Variants in DTNB observed in about 807,000 individuals in gnomAD.
The protein encoded by DTNB is dystrobrevin beta, also known as DTN-B.
In DTNB, 63 loss-of-function variants were observed where a neutral mutation model predicts 90.7. That is an observed-to-expected ratio of 0.69 (90% CI 0.57 to 0.86). DTNB has a LOEUF of 0.86. DTNB is among the 40% of genes least tolerant of loss of function. DTNB has a pLI of 0.00. For missense variants in DTNB, 744 were observed against 807.1 expected (o/e 0.92, Z 0.95); for synonymous variants, 277 against 286.7 (o/e 0.97, Z 0.34).
intron 16 of DTNB, among the ~76,000 whole-genome samples, chr2:25,397,622 G>C (rs975684330): frequency 3.3e-5 from 5 of 152,072 alleles, no homozygotes; most frequent in South Asian, 4.1e-4. Context: ...GCTCATGCCT[G>C]TAATCCCAGC....
intron 16 of DTNB, among the ~76,000 whole-genome samples, chr2:25,410,306 T>C (rs975930409): frequency 6.6e-6 from 1 of 152,142 alleles, no homozygotes; most frequent in African/African-American, 2.4e-5. Flanking sequence ...AGGAAATCTC[T>C]CAGCCTGACA....
chr2:25,407,826 A>G (rs2045596466), intron 16 of DTNB, among the ~76,000 whole-genome samples: 1 of 152,218 alleles, frequency 6.6e-6, no homozygotes, highest in Non-Finnish European at 1.5e-5. Flanking sequence ...GGTGCAATGT[A>G]CACTAGTTGG....
At chr2:25,389,314 G>A (rs372374987) in intron 16 of DTNB, among the ~76,000 whole-genome samples, 27 of 152,274 alleles carry the variant, frequency 1.8e-4, no homozygotes, top group East Asian at 1.7e-3. Context: ...GGCATGCTCT[G>A]AGCATGTGCG....
intron 1 of DTNB, among the ~76,000 whole-genome samples, chr2:25,662,361 A>T (rs527985065): frequency 6.6e-5 from 10 of 152,326 alleles, no homozygotes; most frequent in Non-Finnish European, 1.2e-4. Flanking sequence ...AGAATAAAGC[A>T]GGGCTACATT....
intron 16 of DTNB, among the ~76,000 whole-genome samples, chr2:25,402,257 A>C (rs2149656234): frequency 6.6e-6 from 1 of 152,252 alleles, no homozygotes; most frequent in Non-Finnish European, 1.5e-5. Flanking sequence ...CTCACACGAC[A>C]AGAGTTAAGA....
At chr2:25,636,316 C>G (rs866528434) in intron 3 of DTNB, among the ~76,000 whole-genome samples, 1 of 152,162 alleles carries the variant, frequency 6.6e-6, no homozygotes, top group Non-Finnish European at 1.5e-5. Context: ...CTGACTACTA[C>G]TTATCCTGTA....
intron 16 of DTNB, among the ~76,000 whole-genome samples, chr2:25,394,007 C>T (rs1232175695): frequency 6.6e-6 from 1 of 152,004 alleles, no homozygotes; most frequent in East Asian, 1.9e-4. Flanking sequence ...GCTATAAGGC[C>T]TCAGTCATCA....
At chr2:25,389,014 T>G (rs1558308415) in intron 16 of DTNB, among the ~76,000 whole-genome samples, 1 of 152,022 alleles carries the variant, frequency 6.6e-6, no homozygotes, top group Non-Finnish European at 1.5e-5. Context: ...GCTGGGCTAA[T>G]TTTTTGTATT....
rs565006673 is a variant in DTNB, at chr2:25,595,699, G to A, written c.603+387C>T. Among the ~76,000 whole-genome samples the A allele has an allele frequency of 7.9e-5, 12 of 152,180 alleles. No individual in the cohort carries two copies. In the South Asian group the frequency reaches 1.0e-3, roughly 13 times the overall value. Reference sequence around the variant, plus strand: ...TGCTGGCGAGTGAGAGCTATACAGCGTTCCCTGTCTCCAGCACTCAGGAAA... The same window carrying A: ...TGCTGGCGAGTGAGAGCTATACAGCATTCCCTGTCTCCAGCACTCAGGAAA... On this transcript the variant is annotated intron_variant, in intron 6 of 20. Coordinates refer to ENST00000406818, the MANE Select transcript of DTNB (RefSeq NM_021907.5).
chr2:25,497,808 T>C (rs762147289), intron 9 of DTNB, among the ~76,000 whole-genome samples: 2 of 152,194 alleles, frequency 1.3e-5, no homozygotes, highest in Non-Finnish European at 2.9e-5. Flanking sequence ...TCCTGGTTTC[T>C]ATCCCCACTG....
intron 14 of DTNB, among the ~76,000 whole-genome samples, chr2:25,431,447 G>A (rs1382349183): frequency 6.6e-6 from 1 of 152,154 alleles, no homozygotes; most frequent in Non-Finnish European, 1.5e-5. Flanking sequence ...AACTGTCCCA[G>A]CACACTTTAA....
intron 16 of DTNB, among the ~76,000 whole-genome samples, chr2:25,413,912 C>G (rs1301504558): frequency 2.0e-5 from 3 of 152,190 alleles, no homozygotes; most frequent in Non-Finnish European, 4.4e-5. Flanking sequence ...TAAAAGTGTT[C>G]CTATTTCTCC....
intron 6 of DTNB, among the ~76,000 whole-genome samples, chr2:25,582,276 A>T (rs546387684): frequency 9.8e-4 from 149 of 152,158 alleles, no homozygotes; most frequent in Non-Finnish European, 1.8e-3. Context: ...CAGGGATGCC[A>T]TCAGACCAAC....
At chr2:25,502,972 T>C (rs1178624957) in intron 9 of DTNB, among the ~76,000 whole-genome samples, 2 of 136,168 alleles carry the variant, frequency 1.5e-5, no homozygotes, top group Admixed American at 1.6e-4. Context: ...GAAGATCACC[T>C]GAGCCCGGGA....
intron 8 of DTNB, among the ~76,000 whole-genome samples, chr2:25,542,786 C>A (rs2081563335): frequency 6.6e-6 from 1 of 152,012 alleles, no homozygotes; most frequent in African/African-American, 2.4e-5. Context: ...TTCAACTTAG[C>A]TTTTAATAAC....
Position 25,435,218 on chromosome 2 carries a change from A to C in DTNB, c.1258-1223T>G, listed in dbSNP as rs189509942. Among the ~76,000 whole-genome samples, 659 of 152,250 alleles carry C rather than the reference A, an allele frequency of 4.3e-3. 3 individuals carry two copies. The highest frequency in any genetic ancestry group is 7.4e-3 in the Non-Finnish European group (503 of 68,020). On this transcript the variant is annotated intron_variant, in intron 12 of 20. Transcript: ENST00000406818. ...GTATTTTTAGTAGAGACAGGGTTTCACCATATTGGCGAGGCTGGTCTCAAA... is the reference window on the plus strand; with the variant it reads ...GTATTTTTAGTAGAGACAGGGTTTCCCCATATTGGCGAGGCTGGTCTCAAA...
intron 7 of DTNB, among the ~76,000 whole-genome samples, chr2:25,577,245 G>A (rs1297749728): frequency 6.6e-6 from 1 of 152,112 alleles, no homozygotes; most frequent in Non-Finnish European, 1.5e-5. Flanking sequence ...GACCAGCCTG[G>A]ACAACATGGC....
intron 16 of DTNB, among the ~76,000 whole-genome samples, chr2:25,406,467 G>T (rs1305154406): frequency 6.6e-6 from 1 of 151,400 alleles, no homozygotes; most frequent in Admixed American, 6.6e-5. Context: ...CCTGGGAGGC[G>T]GAGGTTGCGG....
At chr2:25,627,959 A>G (rs186557540) in intron 4 of DTNB, among the ~76,000 whole-genome samples, 1 of 152,106 alleles carries the variant, frequency 6.6e-6, no homozygotes, top group East Asian at 1.9e-4. Flanking sequence ...GATGGTCTCC[A>G]TCTCCTGACC....
Sources: allele counts gnomAD v4.1 joint callset (sites outside exome capture counted in the v4.1 genomes callset), GRCh38; gene constraint gnomAD v4.1.1; transcripts MANE v1.5; gene names NCBI Gene and HGNC (gene_info 2026-07-23, HGNC 2026-07-21).